PANK4: variants seen among roughly 807,000 people sequenced by gnomAD.
The protein encoded by PANK4 is 4'-phosphopantetheine phosphatase.
In PANK4, 40 loss-of-function variants were observed where a neutral mutation model predicts 87.9. The ratio of observed to expected loss-of-function variants is 0.46; its 90% CI spans 0.35 to 0.59. PANK4 has a LOEUF of 0.59. PANK4 is among the 20% of genes least tolerant of loss of function. The pLI is 0.00. For synonymous variants in PANK4, 524 were observed against 467.4 expected (o/e 1.12, Z -1.56); for missense variants, 926 against 1,072.3 (o/e 0.86, Z 1.90).
rs1482037323 is a variant in PANK4 at position 2,509,852 on chromosome 1, G to C, written c.2108+10C>G. On this transcript the variant is annotated intron_variant, in intron 18 of 18. Transcript: ENST00000378466. This position sits in a 1 kb window ranked among gnomAD's most constrained non-coding sequence, Gnocchi z 4.9. The stretch of plus-strand genomic sequence containing the variant: ...AGGAGGGAGAGAACAGGTGCAGGGT[G>C]CGGGGTTACCTGAGGTCGAGGCACG... The C allele has an allele frequency of 6.2e-7, 1 of 1,609,422 alleles. No individual in the cohort carries two copies. Among genetic ancestry groups the C allele is most frequent in the Non-Finnish European group, 8.5e-7 (1 of 1,178,192 alleles).
At chr1:2,525,204 C>G (rs913845425) in intron 1 of PANK4, among the ~76,000 whole-genome samples, 1 of 152,152 alleles carries the variant, frequency 6.6e-6, no homozygotes, top group African/African-American at 2.4e-5. Flanking sequence ...GTCAGATGCA[C>G]CAGGAGCACA....
chr1:2,510,190 C>A lies in PANK4; in HGVS notation c.1939-33G>T, dbSNP rs766048298. On this transcript the variant is annotated intron_variant, in intron 16 of 18. Coordinates refer to ENST00000378466, the MANE Select transcript of PANK4 (RefSeq NM_018216.4). The surrounding 1 kb of genome is among the most constrained non-coding windows in gnomAD (Gnocchi z 4.9). ...AGGAGGGCCCAGGCTCTTTAGGAACCTGTGCTGGCCCAGCATGGAGCCTGC... is the reference window on the plus strand; with the variant it reads ...AGGAGGGCCCAGGCTCTTTAGGAACATGTGCTGGCCCAGCATGGAGCCTGC... The A allele has an allele frequency of 2.2e-6, 3 of 1,371,126 alleles. No individual in the cohort carries two copies. The highest frequency in any genetic ancestry group is 3.7e-5 in the Admixed American group (2 of 53,640). 84.9% of individuals were successfully genotyped at this position (1,371,126 alleles called of 1,614,324 possible).
chr1:2,520,417 G>A lies in PANK4; in HGVS notation c.607-3C>T. 1.2e-6 allele frequency: 2 copies of A among 1,612,138 alleles called. No individual in the cohort carries two copies. The highest frequency in any genetic ancestry group is 1.1e-5 in the South Asian group (1 of 91,066). ...TCGAACCTGTCCTCCGTCTCCACCT[G>A]CAACAGAGCCAGGGCAGGTGTGCCC... On this transcript the variant is annotated splice_region_variant and splice_polypyrimidine_tract_variant and intron_variant, in intron 4 of 18. Coordinates refer to ENST00000378466, the MANE Select transcript of PANK4 (RefSeq NM_018216.4). This position sits in a 1 kb window ranked among gnomAD's most constrained non-coding sequence, Gnocchi z 6.2.
At chr1:2,523,699 G>A (rs983223580) in intron 1 of PANK4, among the ~76,000 whole-genome samples, 1 of 152,226 alleles carries the variant, frequency 6.6e-6, no homozygotes, top group African/African-American at 2.4e-5. Context: ...ACACCCGGGG[G>A]GACAAAACGG....
At chr1:2,518,081 G>T in intron 9 of PANK4, 83 bp downstream of exon 9, 1 of 788,468 alleles carries the variant, frequency 1.3e-6, no homozygotes, top group Non-Finnish European at 2.0e-6. Context: ...ACAGCCACAA[G>T]AGGCTTCGCT....
intron 9 of PANK4, among the ~76,000 whole-genome samples, chr1:2,517,122 G>A (rs72848539): frequency 0.34 from 51,115 of 152,110 alleles, 10,217 homozygotes; most frequent in African/African-American, 0.55. Flanking sequence ...AAGACACCAA[G>A]CCCCTCTGCC....
In PANK4 at chr1:2,519,164, A is replaced by G. The variant is rs1643839328; in HGVS notation, c.1014T>C (p.Tyr338=). 6.2e-7 allele frequency: 1 copy of G among 1,612,482 alleles called. No individual in the cohort carries two copies. The highest frequency in any genetic ancestry group is 2.2e-5 in the East Asian group (1 of 44,860). ...TTACCTTGGAGAAGAAGTTGATGCT[A>G]TAGGTGATGGTGCGCATGGTCACGG... ...GHPVTMRTIT[Y]SINFFSKGEV... The change falls in exon 7 of 19, where the codon TAT becomes TAC. Residue 338 remains tyrosine, a synonymous_variant. Coordinates refer to ENST00000378466, the MANE Select transcript of PANK4 (RefSeq NM_018216.4). The surrounding 1 kb of genome is among the most constrained non-coding windows in gnomAD (Gnocchi z 8.3).
chr1:2,522,036 A>G, intron 1 of PANK4: 1 of 560,126 alleles, frequency 1.8e-6, no homozygotes, highest in Non-Finnish European at 3.2e-6. Flanking sequence ...GGCCAAACTG[A>G]GCTCAAGAGG....
rs1434870928 is a variant in PANK4 at position 2,519,655 on chromosome 1, C to T, written c.853+146G>A. Reference sequence around the variant, plus strand: ...GTGGGCCTGAGCTGCAGCGACTCGGCAGGAAGAGGTTACAGGGCTGACACC... The same window carrying T: ...GTGGGCCTGAGCTGCAGCGACTCGGTAGGAAGAGGTTACAGGGCTGACACC... On this transcript the variant is annotated intron_variant, in intron 6 of 18. Transcript: ENST00000378466. This position sits in a 1 kb window ranked among gnomAD's most constrained non-coding sequence, Gnocchi z 8.3. The T allele has an allele frequency of 7.5e-6, 6 of 798,456 alleles. No individual in the cohort carries two copies. The highest frequency in any genetic ancestry group is 3.7e-5 in the South Asian group (2 of 53,718). The allele number at this position is 798,456 out of a possible 1,614,324, so 49.5% of individuals were successfully genotyped here.
chr1:2,516,122 C>T (rs1379395643), intron 9 of PANK4, among the ~76,000 whole-genome samples: 1 of 152,160 alleles, frequency 6.6e-6, no homozygotes, highest in East Asian at 1.9e-4. Context: ...CTCCCGTGAC[C>T]CCTGCAGTCA....
chr1:2,513,622 C>T (rs966541510), intron 12 of PANK4, among the ~76,000 whole-genome samples: 1 of 152,226 alleles, frequency 6.6e-6, no homozygotes, highest in Non-Finnish European at 1.5e-5. Flanking sequence ...GGTTCCAGCC[C>T]CTCCCCATGA....
At chr1:2,512,844 C>A in intron 13 of PANK4, 44 bp downstream of exon 13, 2 of 1,602,188 alleles carry the variant, frequency 1.2e-6, no homozygotes, top group Non-Finnish European at 1.7e-6. Context: ...GCAGGACAGG[C>A]ACCCACAGGC....
At position 2,514,051 on chromosome 1, in the gene PANK4, G is replaced by C; in HGVS notation, c.1526C>G (p.Thr509Ser). Residue 509 changes from threonine (T) to serine (S), a missense_variant, in exon 12 of 19, where the codon ACC (threonine) becomes AGC (serine). Physicochemically the swap from Thr to Ser is moderately conservative, Grantham distance 58. Transcript: ENST00000378466. ...GTLTVRSLLD[T>S]REHCLNEFNF... is the part of the protein sequence containing the mutation. ...GAACTCGTTCAGACAGTGCTCCCTG[G>C]TGTCCAGCAGGCTGCGCACGGTCAG... is the stretch of plus-strand genomic sequence containing the variant. 6.2e-7 allele frequency: 1 copy of C among 1,612,866 alleles called. No homozygotes were observed. Among genetic ancestry groups the C allele is most frequent in the Non-Finnish European group, 8.5e-7 (1 of 1,179,892 alleles).
chr1:2,508,736 C>G lies in PANK4; in HGVS notation c.*111G>C, dbSNP rs1483466339. The G allele has an allele frequency of 1.4e-6, 1 of 691,966 alleles. No homozygotes were observed. Among genetic ancestry groups the G allele is most frequent in the Non-Finnish European group, 2.5e-6 (1 of 392,974 alleles). The allele number at this position is 691,966 out of a possible 1,614,324, so 42.9% of individuals were successfully genotyped here. ...ATCTGTGCGGCTGGGGTGTATGTGC[C>G]GCGTCACAGCAGTACCATATAAATA... On this transcript the variant is annotated 3_prime_UTR_variant, in exon 19 of 19. Coordinates refer to ENST00000378466, the MANE Select transcript of PANK4 (RefSeq NM_018216.4). This position sits in a 1 kb window ranked among gnomAD's most constrained non-coding sequence, Gnocchi z 5.1.
At chr1:2,517,401 C>A (rs1287040632) in intron 9 of PANK4, among the ~76,000 whole-genome samples, 1 of 152,254 alleles carries the variant, frequency 6.6e-6, no homozygotes, top group Non-Finnish European at 1.5e-5. Context: ...TTCCTGCCAA[C>A]AATGCCAGCG....
intron 13 of PANK4, among the ~76,000 whole-genome samples, chr1:2,512,253 C>T (rs915222548): frequency 7.2e-5 from 11 of 152,028 alleles, no homozygotes; most frequent in African/African-American, 2.7e-4. Flanking sequence ...TGGTTGGAGG[C>T]GGCGTTCTCA....
intron 1 of PANK4, among the ~76,000 whole-genome samples, chr1:2,524,424 A>C (rs1980789): frequency 0.035 from 5,337 of 152,296 alleles, 128 homozygotes; most frequent in East Asian, 0.081. Flanking sequence ...CAGGAGTAAC[A>C]AACAAAAGGT....
rs1203514198 is a variant in PANK4, at chr1:2,518,147, C to A, written c.1218+17G>T. The A allele has an allele frequency of 1.3e-6, 2 of 1,555,472 alleles. No homozygotes were observed. Among genetic ancestry groups the A allele is most frequent in the Non-Finnish European group, 1.8e-6 (2 of 1,142,476 alleles). On this transcript the variant is annotated intron_variant, in intron 9 of 18. Coordinates refer to ENST00000378466, the MANE Select transcript of PANK4 (RefSeq NM_018216.4). The stretch of plus-strand genomic sequence containing the variant: ...CTGCTCCCCTGGGGCCCGGGGCGGC[C>A]AGAGCCCACTACTCACAGTGCCACT...
At chr1:2,512,636 TA>T in intron 13 of PANK4, 1 of 541,586 alleles carries the variant, frequency 1.8e-6, no homozygotes. Flanking sequence ...TCCACACCCT[TA>T]GGCCTCTGCG....
Sources: allele counts gnomAD v4.1 joint callset (sites outside exome capture counted in the v4.1 genomes callset), GRCh38; gene constraint gnomAD v4.1.1; non-coding constraint Gnocchi (gnomAD v3.1); transcripts MANE v1.5; gene names NCBI Gene and HGNC (gene_info 2026-07-23, HGNC 2026-07-21).